LRBA: variants seen among roughly 807,000 people sequenced by gnomAD.
LRBA encodes LPS responsive beige-like anchor protein.
A neutral mutation model predicts 330.0 loss-of-function variants in LRBA; 176 were observed. That is an observed-to-expected ratio of 0.53 (90% CI 0.47 to 0.60). LRBA has a LOEUF of 0.60. Ranked by LOEUF, LRBA falls within the 20% of genes least tolerant of loss-of-function variation. The pLI is 0.00. For missense variants in LRBA, 3,259 were observed against 3,444.8 expected (o/e 0.95, Z 1.35); for synonymous variants, 1,230 against 1,193.0 (o/e 1.03, Z -0.64).
intron 40 of LRBA, among the ~76,000 whole-genome samples, chr4:150,558,456 A>G (rs777652543): frequency 6.6e-6 from 1 of 152,158 alleles, no homozygotes; most frequent in Non-Finnish European, 1.5e-5. Flanking sequence ...GACTTTGACT[A>G]TTGAGAGCTC....
At chr4:150,808,965 A>G (rs1025511878) in intron 31 of LRBA, among the ~76,000 whole-genome samples, 3 of 152,158 alleles carry the variant, frequency 2.0e-5, no homozygotes, top group East Asian at 3.9e-4. Context: ...TTTAAAGAGA[A>G]TAAGGGCCCT....
intron 38 of LRBA, among the ~76,000 whole-genome samples, chr4:150,593,377 G>A (rs1386726452): frequency 1.3e-5 from 2 of 152,062 alleles, no homozygotes; most frequent in African/African-American, 2.4e-5. Context: ...TAAACCTTCT[G>A]CTTAGTTCTA....
chr4:150,656,204 G>A (rs1156329687), intron 37 of LRBA, among the ~76,000 whole-genome samples: 1 of 152,182 alleles, frequency 6.6e-6, no homozygotes, highest in Non-Finnish European at 1.5e-5. Context: ...TTTTGGTGTT[G>A]CTTTCATTTT....
intron 56 of LRBA, among the ~76,000 whole-genome samples, chr4:150,267,171 C>G (rs1307912930): frequency 5.9e-5 from 9 of 152,144 alleles, no homozygotes; most frequent in Non-Finnish European, 1.0e-4. Flanking sequence ...GACACTTGAA[C>G]AATACGATAA....
rs566152729 is a variant in LRBA, at chr4:150,613,199, G to A, written c.5922-14068C>T. On this transcript the variant is annotated intron_variant, in intron 37 of 56. Coordinates refer to ENST00000651943, the MANE Select transcript of LRBA (RefSeq NM_001364905.1). ...GAATACCAACAATGAGTAAAGACAG[G>A]AGATTCGGTCATTTGGTGATAGAAA... Among the ~76,000 whole-genome samples the A allele has an allele frequency of 3.7e-4, 56 of 152,252 alleles. 1 individual carries two copies. The highest frequency in any genetic ancestry group is 7.4e-5 in the Non-Finnish European group (5 of 68,022).
At chr4:150,833,661 A>T (rs1217821329) in intron 28 of LRBA, among the ~76,000 whole-genome samples, 1 of 152,224 alleles carries the variant, frequency 6.6e-6, no homozygotes, top group Non-Finnish European at 1.5e-5. Flanking sequence ...ACTTTCAGTG[A>T]GTCACAATCT....
chr4:150,286,355 T>C (rs1748128297), intron 53 of LRBA, among the ~76,000 whole-genome samples: 1 of 152,180 alleles, frequency 6.6e-6, no homozygotes, highest in Admixed American at 6.5e-5. Flanking sequence ...GGTCAGATGA[T>C]TATAAAATTA....
chr4:150,852,531 A>G lies in LRBA; in HGVS notation c.3179T>C (p.Ile1060Thr). 1 of 1,613,888 alleles carries G rather than the reference A, an allele frequency of 6.2e-7. No homozygotes were observed. The highest frequency in any genetic ancestry group is 1.3e-5 in the African/African-American group (1 of 75,076). The change falls in exon 23 of 57, where the codon ATT (isoleucine) becomes ACT (threonine). Residue 1060 changes from isoleucine (I) to threonine (T), a missense_variant. Coordinates refer to ENST00000651943, the MANE Select transcript of LRBA (RefSeq NM_001364905.1). Reference protein sequence around the residue: ...VSSDIIEAVAISSNSFITTGK... With the variant: ...VSSDIIEAVATSSNSFITTGK... Reference sequence around the variant, plus strand: ...AGTTGTTATAAAAGAATTAGAGGAAATAGCCACAGCTTCTATTATGTCAGA... The same window carrying G: ...AGTTGTTATAAAAGAATTAGAGGAAGTAGCCACAGCTTCTATTATGTCAGA...
At chr4:150,523,749 C>T (rs1763170036) in intron 40 of LRBA, among the ~76,000 whole-genome samples, 1 of 152,028 alleles carries the variant, frequency 6.6e-6, no homozygotes, top group Non-Finnish European at 1.5e-5. Flanking sequence ...CTAGACTATC[C>T]TCAGAGGGAG....
At chr4:150,541,240 T>C (rs1765288297) in intron 40 of LRBA, among the ~76,000 whole-genome samples, 1 of 152,172 alleles carries the variant, frequency 6.6e-6, no homozygotes, top group Non-Finnish European at 1.5e-5. Flanking sequence ...CCAAAGAGCA[T>C]GACTGAGCTG....
intron 40 of LRBA, among the ~76,000 whole-genome samples, chr4:150,575,669 C>A (rs1770448500): frequency 6.6e-6 from 1 of 151,866 alleles, no homozygotes; most frequent in Non-Finnish European, 1.5e-5. Context: ...TCAACACTAG[C>A]ATAATCTACG....
intron 22 of LRBA, among the ~76,000 whole-genome samples, chr4:150,861,271 G>GTGTA (rs1491316055): frequency 2.6e-5 from 1 of 38,224 alleles, no homozygotes; most frequent in Admixed American, 2.7e-4. Flanking sequence ...CCAGCTAATG[G>GTGTA]TGTGTGTGTG....
chr4:150,741,894 C>G (rs150647870), intron 35 of LRBA, among the ~76,000 whole-genome samples: 1 of 151,922 alleles, frequency 6.6e-6, no homozygotes, highest in Non-Finnish European at 1.5e-5. Flanking sequence ...AGGACTCACA[C>G]GGAACACTGA....
intron 36 of LRBA, among the ~76,000 whole-genome samples, chr4:150,684,380 T>C (rs1171025472): frequency 1.3e-5 from 2 of 152,140 alleles, no homozygotes; most frequent in Non-Finnish European, 2.9e-5. Context: ...CCTAGCAAAA[T>C]GTACCAAGAG....
chr4:150,876,734 GAAC>G (rs1168311463), intron 17 of LRBA, among the ~76,000 whole-genome samples: 2 of 152,108 alleles, frequency 1.3e-5, no homozygotes, highest in Non-Finnish European at 2.9e-5. Flanking sequence ...GGAAATGTAA[GAAC>G]AACACTTACT....
chr4:150,340,829 G>C (rs529317873), intron 48 of LRBA, among the ~76,000 whole-genome samples: 1 of 152,248 alleles, frequency 6.6e-6, no homozygotes, highest in African/African-American at 2.4e-5. Flanking sequence ...ATGTAATCAG[G>C]AACAGAAATG....
intron 37 of LRBA, among the ~76,000 whole-genome samples, chr4:150,613,598 T>C (rs1018339482): frequency 2.0e-5 from 3 of 152,244 alleles, no homozygotes; most frequent in African/African-American, 7.2e-5. Context: ...GTCTGGCTCC[T>C]GGTTTAAAAC....
At chr4:150,564,754 T>G (rs939625797) in intron 40 of LRBA, among the ~76,000 whole-genome samples, 3 of 152,198 alleles carry the variant, frequency 2.0e-5, no homozygotes, top group Non-Finnish European at 4.4e-5. Context: ...AAAGAAGATA[T>G]GTATGTGGCT....
At chr4:150,509,165 C>T (rs569032710) in intron 40 of LRBA, among the ~76,000 whole-genome samples, 64 of 152,030 alleles carry the variant, frequency 4.2e-4, no homozygotes, top group Non-Finnish European at 8.2e-4. Context: ...TATCATTCCA[C>T]AAAATATACA....
Sources: allele counts gnomAD v4.1 joint callset (sites outside exome capture counted in the v4.1 genomes callset), GRCh38; gene constraint gnomAD v4.1.1; transcripts MANE v1.5; gene names NCBI Gene and HGNC (gene_info 2026-07-23, HGNC 2026-07-21).